Variants in C10orf95 observed in about 807,000 individuals in gnomAD.
The protein encoded by C10orf95 is chromosome 10 open reading frame 95, also known as uncharacterized protein C10orf95.
For missense variants in C10orf95, 412 were observed against 327.4 expected (o/e 1.26, Z -1.99); for synonymous variants, 188 against 160.4 (o/e 1.17, Z -1.30).
Position 102,450,728 on chromosome 10 carries a change from C to A in C10orf95, c.366G>T (p.Leu122=). Residue 122 remains leucine, a synonymous_variant, in exon 2 of 2, where the codon CTG becomes CTT. Coordinates refer to ENST00000625129, the MANE Select transcript of C10orf95 (RefSeq NM_001363580.1). ...WPEGGSLQTE[L]RWGRVERARG... ...GCGCGCGCTCCACGCGGCCCCAGCG[C>A]AGCTCGGTTTGCAGGCTCCCGCCCT... The A allele has an allele frequency of 7.6e-7, 1 of 1,316,252 alleles. No individual in the cohort carries two copies. The highest frequency in any genetic ancestry group is 1.8e-5 in the South Asian group (1 of 54,324). 81.5% of individuals were successfully genotyped at this position (1,316,252 alleles called of 1,614,324 possible).
At position 102,450,775 on chromosome 10, in the gene C10orf95, C is replaced by G; in HGVS notation, c.319G>C (p.Glu107Gln). The G allele has an allele frequency of 7.8e-7, 1 of 1,285,218 alleles. No homozygotes were observed. The allele number at this position is 1,285,218 out of a possible 1,614,324, so 79.6% of individuals were successfully genotyped here. The change falls in exon 2 of 2, where the codon GAG becomes CAG. Residue 107 changes from glutamate to glutamine, a missense_variant. Coordinates refer to ENST00000625129, the MANE Select transcript of C10orf95 (RefSeq NM_001363580.1). ...LSLQAPAAVA[E>Q]SWAPWPEGGS... is the part of the protein sequence containing the mutation. ...CCCTCCGGCCACGGCGCCCAGCTCTCGGCCACCGCCGCGGGCGCCTGCAGC... is the reference window on the plus strand; with the variant it reads ...CCCTCCGGCCACGGCGCCCAGCTCTGGGCCACCGCCGCGGGCGCCTGCAGC...
Position 102,450,592 on chromosome 10 carries a change from G to T in C10orf95, c.502C>A (p.Leu168Met), listed in dbSNP as rs1449374607. Residue 168 changes from leucine (L) to methionine (M), a missense_variant, in exon 2 of 2, where the codon CTG becomes ATG. Coordinates refer to ENST00000625129, the MANE Select transcript of C10orf95 (RefSeq NM_001363580.1). ...TCGAGCACGCGCGGCGTCGCCTGCA[G>T]CAGGAACTGGCCGCGGCGCTGGGTG... ...RVTQRRGQFLLQATPRVLEPD... is the reference protein window; with the variant it reads ...RVTQRRGQFLMQATPRVLEPD... 1.1e-5 allele frequency: 14 copies of T among 1,271,102 alleles called. No homozygotes were observed. The highest frequency in any genetic ancestry group is 1.6e-5 in the African/African-American group (1 of 63,938). The allele number at this position is 1,271,102 out of a possible 1,614,324, so 78.7% of individuals were successfully genotyped here. A position where few individuals can be genotyped will look rare whatever the true frequency, so the allele number is the denominator to read the frequency against.
At position 102,451,431 on chromosome 10, in the gene C10orf95, T is replaced by G. The variant is rs1431673690; in HGVS notation, c.-100A>C. ...GAGCCGGCGGGATCCAGAGCGGGGC[T>G]CCTCTCCGCACTTTGTAGCTGCGTT... is the stretch of plus-strand genomic sequence containing the variant. On this transcript the variant is annotated 5_prime_UTR_variant, in exon 1 of 2. Coordinates refer to ENST00000625129, the MANE Select transcript of C10orf95 (RefSeq NM_001363580.1). The G allele has an allele frequency of 1.4e-6, 2 of 1,466,446 alleles. No individual in the cohort carries two copies. The highest frequency in any genetic ancestry group is 1.8e-6 in the Non-Finnish European group (2 of 1,088,860). 90.8% of individuals were successfully genotyped at this position (1,466,446 alleles called of 1,614,324 possible).
In C10orf95 at chr10:102,451,465, C is replaced by G. The variant is rs2061693272; in HGVS notation, c.-134G>C. 1.4e-6 allele frequency: 2 copies of G among 1,411,482 alleles called. No individual in the cohort carries two copies. Among genetic ancestry groups the G allele is most frequent in the Non-Finnish European group, 1.9e-6 (2 of 1,055,538 alleles). 87.4% of individuals were successfully genotyped at this position (1,411,482 alleles called of 1,614,324 possible). A position where few individuals can be genotyped will look rare whatever the true frequency, so the allele number is the denominator to read the frequency against. On this transcript the variant is annotated 5_prime_UTR_variant, in exon 1 of 2. Coordinates refer to ENST00000625129, the MANE Select transcript of C10orf95 (RefSeq NM_001363580.1). Reference sequence around the variant, plus strand: ...CACTTTGTAGCTGCGTTGCTCCGCTCCATGCCCTGCCTCAGCCACTCCTCC... The same window carrying G: ...CACTTTGTAGCTGCGTTGCTCCGCTGCATGCCCTGCCTCAGCCACTCCTCC...
chr10:102,450,701 C>CCG lies in C10orf95; in HGVS notation c.391_392dup (p.Pro133AlafsTer81). ...AGTCCGGTAGCTGCAGAGGGGGGCC[C>CCG]CGCGCGCGCTCCACGCGGCCCCAGC... On this transcript the variant is annotated frameshift_variant, in exon 2 of 2. Coordinates refer to ENST00000625129, the MANE Select transcript of C10orf95 (RefSeq NM_001363580.1). LOFTEE classifies it low-confidence loss of function (END_TRUNC). The CCG allele has an allele frequency of 8.0e-7, 1 of 1,255,660 alleles. No homozygotes were observed. Among genetic ancestry groups the CCG allele is most frequent in the Non-Finnish European group, 1.0e-6 (1 of 999,794 alleles). The allele number at this position is 1,255,660 out of a possible 1,614,324, so 77.8% of individuals were successfully genotyped here. A position where few individuals can be genotyped will look rare whatever the true frequency, so the allele number is the denominator to read the frequency against.
rs1400613579 is a variant in C10orf95, at chr10:102,450,989, G to T, written c.105C>A (p.Val35=). The T allele has an allele frequency of 9.9e-6, 13 of 1,312,108 alleles. No individual in the cohort carries two copies. Among genetic ancestry groups the T allele is most frequent in the Non-Finnish European group, 1.3e-5 (13 of 1,029,484 alleles). The allele number at this position is 1,312,108 out of a possible 1,614,324, so 81.3% of individuals were successfully genotyped here. ...GCCGGCTGCGGAAGCTGTGGGCCTG[G>T]ACTGGGGGTAGCAGCAGAGGGGCGG... ...YLAAPLLLPP[V]QAHSFRSRPG... The change falls in exon 2 of 2, where the codon GTC becomes GTA. Residue 35 remains valine, a synonymous_variant. Coordinates refer to ENST00000625129, the MANE Select transcript of C10orf95 (RefSeq NM_001363580.1).
chr10:102,450,026 G>A lies in C10orf95; in HGVS notation c.*426C>T. 1 of 245,412 alleles carries A rather than the reference G, an allele frequency of 4.1e-6. No homozygotes were observed. The highest frequency in any genetic ancestry group is 1.1e-4 in the East Asian group (1 of 9,028). 15.2% of individuals were successfully genotyped at this position (245,412 alleles called of 1,614,324 possible). A position where few individuals can be genotyped will look rare whatever the true frequency, so the allele number is the denominator to read the frequency against. On this transcript the variant is annotated 3_prime_UTR_variant, in exon 2 of 2. Coordinates refer to ENST00000625129, the MANE Select transcript of C10orf95 (RefSeq NM_001363580.1). Reference sequence around the variant, plus strand: ...TCGGCTTGGCAGGAAGGCGGGGGTAGGGGAGCGGTGGGAAAGGGGGGTGGG... The same window carrying A: ...TCGGCTTGGCAGGAAGGCGGGGGTAAGGGAGCGGTGGGAAAGGGGGGTGGG...
chr10:102,450,076 A>G lies in C10orf95; in HGVS notation c.*376T>C, dbSNP rs949277313. ...GCGACGACTCTGATAGAGGGAAAAGAGGAAGGGAAAGTTGGGGCTTACTGC... is the reference window on the plus strand; with the variant it reads ...GCGACGACTCTGATAGAGGGAAAAGGGGAAGGGAAAGTTGGGGCTTACTGC... On this transcript the variant is annotated 3_prime_UTR_variant, in exon 2 of 2. Coordinates refer to ENST00000625129, the MANE Select transcript of C10orf95 (RefSeq NM_001363580.1). 7 of 289,100 alleles carry G rather than the reference A, an allele frequency of 2.4e-5. No individual in the cohort carries two copies. Among genetic ancestry groups the G allele is most frequent in the Non-Finnish European group, 4.9e-5 (7 of 141,562 alleles). The allele number at this position is 289,100 out of a possible 1,614,324, so 17.9% of individuals were successfully genotyped here.
chr10:102,451,328 A>G (rs1289040570), intron 1 of C10orf95, 58 bp downstream of exon 1: 24 of 1,537,648 alleles, frequency 1.6e-5, no homozygotes, highest in African/African-American at 1.1e-4. Flanking sequence ...CCAGCAGACA[A>G]TAAGGAGCCT....
In C10orf95 at chr10:102,450,355, G is replaced by A; in HGVS notation, c.*97C>T. 2.3e-6 allele frequency: 3 copies of A among 1,320,370 alleles called. No homozygotes were observed. Among genetic ancestry groups the A allele is most frequent in the Non-Finnish European group, 3.1e-6 (3 of 955,038 alleles). 81.8% of individuals were successfully genotyped at this position (1,320,370 alleles called of 1,614,324 possible). ...GGTGAGCAGCGCGTCCGCCTCCCGC[G>A]CACAGGTGAGGGCTCACTTCTGCCT... is the stretch of plus-strand genomic sequence containing the variant. On this transcript the variant is annotated 3_prime_UTR_variant, in exon 2 of 2. Transcript: ENST00000625129.
At position 102,450,551 on chromosome 10, in the gene C10orf95, C is replaced by T. The variant is rs1213417648; in HGVS notation, c.543G>A (p.Val181=). ...CGGGCCGGCGCCGCACGCGCCACTCCACGCGGTGGTCGGGCTCGAGCACGC... is the reference window on the plus strand; with the variant it reads ...CGGGCCGGCGCCGCACGCGCCACTCTACGCGGTGGTCGGGCTCGAGCACGC... ...TPRVLEPDHR[V]EWRVRRRPDS... is the part of the protein sequence containing the mutation. The change falls in exon 2 of 2, where the codon GTG becomes GTA. Residue 181 remains valine, a synonymous_variant. Coordinates refer to ENST00000625129, the MANE Select transcript of C10orf95 (RefSeq NM_001363580.1). 5.9e-6 allele frequency: 8 copies of T among 1,355,660 alleles called. No individual in the cohort carries two copies. The South Asian group carries it at 1.4e-4, about 24-fold the overall frequency. 84.0% of individuals were successfully genotyped at this position (1,355,660 alleles called of 1,614,324 possible).
rs1351372666 is a variant in C10orf95, at chr10:102,450,702, C to A, written c.392G>T (p.Arg131Leu). Residue 131 changes from arginine to leucine, a missense_variant, in exon 2 of 2, where the codon CGG becomes CTG. Arg to Leu is a moderately radical substitution (Grantham distance 102, BLOSUM62 -2). Coordinates refer to ENST00000625129, the MANE Select transcript of C10orf95 (RefSeq NM_001363580.1). ...GTCCGGTAGCTGCAGAGGGGGGCCC[C>A]GCGCGCGCTCCACGCGGCCCCAGCG... ...ELRWGRVERA[R>L]GPPLQLPDFV... 8.0e-7 allele frequency: 1 copy of A among 1,255,420 alleles called. No homozygotes were observed. The allele number at this position is 1,255,420 out of a possible 1,614,324, so 77.8% of individuals were successfully genotyped here.
chr10:102,451,105 C>T lies in C10orf95; in HGVS notation c.-12G>A, dbSNP rs373519518. The T allele has an allele frequency of 3.5e-6, 5 of 1,441,056 alleles. No homozygotes were observed. In the South Asian group the frequency reaches 4.8e-5, roughly 14 times the overall value. The allele number at this position is 1,441,056 out of a possible 1,614,324, so 89.3% of individuals were successfully genotyped here. A position where few individuals can be genotyped will look rare whatever the true frequency, so the allele number is the denominator to read the frequency against. On this transcript the variant is annotated 5_prime_UTR_variant, in exon 2 of 2. Transcript: ENST00000625129. Reference sequence around the variant, plus strand: ...CTGTACACATACATGGTCGGCCCCCCAGGCGGCTGCTGTTCTTACTGGGGG... The same window carrying T: ...CTGTACACATACATGGTCGGCCCCCTAGGCGGCTGCTGTTCTTACTGGGGG...
At position 102,450,825 on chromosome 10, in the gene C10orf95, G is replaced by T. The variant is rs1565243955; in HGVS notation, c.269C>A (p.Ala90Asp). 1 of 1,249,006 alleles carries T rather than the reference G, an allele frequency of 8.0e-7. No individual in the cohort carries two copies. Among genetic ancestry groups the T allele is most frequent in the Non-Finnish European group, 1.0e-6 (1 of 1,000,112 alleles). The allele number at this position is 1,249,006 out of a possible 1,614,324, so 77.4% of individuals were successfully genotyped here. Residue 90 changes from alanine (A) to aspartate (D), a missense_variant, in exon 2 of 2, where the codon GCC (alanine) becomes GAC (aspartate). By Grantham distance (126) the Ala-to-Asp change is moderately radical. Transcript: ENST00000625129. ...AYATTLRRPC[A>D]AAGISGLSLQ... ...CGACAGTCCCGAGATGCCGGCGGCG[G>T]CGCAGGGCCGGCGCAGGGTCGTGGC...
rs762475767 is a variant in C10orf95 at position 102,451,099 on chromosome 10, G to GC, written c.-7dup. Reference sequence around the variant, plus strand: ...GGCCAGCTGTACACATACATGGTCGGCCCCCCAGGCGGCTGCTGTTCTTAC... The same window carrying GC: ...GGCCAGCTGTACACATACATGGTCGGCCCCCCCAGGCGGCTGCTGTTCTTAC... On this transcript the variant is annotated 5_prime_UTR_variant, in exon 2 of 2. Transcript: ENST00000625129. The GC allele has an allele frequency of 2.8e-6, 4 of 1,437,838 alleles. No homozygotes were observed. Among genetic ancestry groups the GC allele is most frequent in the South Asian group, 1.6e-5 (1 of 61,438 alleles). The allele number at this position is 1,437,838 out of a possible 1,614,324, so 89.1% of individuals were successfully genotyped here. A position where few individuals can be genotyped will look rare whatever the true frequency, so the allele number is the denominator to read the frequency against.
chr10:102,451,370 G>C lies in C10orf95; in HGVS notation c.-55+16C>G. On this transcript the variant is annotated intron_variant, in intron 1 of 1. Transcript: ENST00000625129. ...GCCCTCCGCCGGGATGCTCTTCCCA[G>C]TGACTCCCCACTCACTTGTCTCCTT... 6.4e-7 allele frequency: 1 copy of C among 1,559,360 alleles called. No homozygotes were observed. Among genetic ancestry groups the C allele is most frequent in the Non-Finnish European group, 8.7e-7 (1 of 1,148,378 alleles).
Position 102,450,599 on chromosome 10 carries a change from C to T in C10orf95, c.495G>A (p.Gln165=). 3 of 1,263,636 alleles carry T rather than the reference C, an allele frequency of 2.4e-6. No homozygotes were observed. The highest frequency in any genetic ancestry group is 3.3e-5 in the East Asian group (1 of 30,274). 78.3% of individuals were successfully genotyped at this position (1,263,636 alleles called of 1,614,324 possible). A position where few individuals can be genotyped will look rare whatever the true frequency, so the allele number is the denominator to read the frequency against. The stretch of plus-strand genomic sequence containing the variant: ...CGCGCGGCGTCGCCTGCAGCAGGAA[C>T]TGGCCGCGGCGCTGGGTGACGCGCA... The part of the protein sequence containing the change: ...ADVRVTQRRG[Q]FLLQATPRVL... Residue 165 remains glutamine (Q), a synonymous_variant, in exon 2 of 2, where the codon CAG becomes CAA. Coordinates refer to ENST00000625129, the MANE Select transcript of C10orf95 (RefSeq NM_001363580.1).
rs2061682393 is a variant in C10orf95, at chr10:102,450,148, C to T, written c.*304G>A. 7 of 495,182 alleles carry T rather than the reference C, an allele frequency of 1.4e-5. No homozygotes were observed. 30.7% of individuals were successfully genotyped at this position (495,182 alleles called of 1,614,324 possible). A position where few individuals can be genotyped will look rare whatever the true frequency, so the allele number is the denominator to read the frequency against. On this transcript the variant is annotated 3_prime_UTR_variant, in exon 2 of 2. Coordinates refer to ENST00000625129, the MANE Select transcript of C10orf95 (RefSeq NM_001363580.1). ...GGTGGGGAGGAGGAAGGAGGGAGGT[C>T]CAGGCCCTTCTTCCATCCCACGTCC...
chr10:102,450,381 G>A lies in C10orf95; in HGVS notation c.*71C>T. On this transcript the variant is annotated 3_prime_UTR_variant, in exon 2 of 2. Coordinates refer to ENST00000625129, the MANE Select transcript of C10orf95 (RefSeq NM_001363580.1). ...CACAGGTGAGGGCTCACTTCTGCCTGTCGGCGGCGGCACACACAGGAAAGA... is the reference window on the plus strand; with the variant it reads ...CACAGGTGAGGGCTCACTTCTGCCTATCGGCGGCGGCACACACAGGAAAGA... 1 of 1,475,160 alleles carries A rather than the reference G, an allele frequency of 6.8e-7. No homozygotes were observed. Among genetic ancestry groups the A allele is most frequent in the Non-Finnish European group, 9.1e-7 (1 of 1,095,042 alleles). 91.4% of individuals were successfully genotyped at this position (1,475,160 alleles called of 1,614,324 possible). A position where few individuals can be genotyped will look rare whatever the true frequency, so the allele number is the denominator to read the frequency against.
Sources: allele counts gnomAD v4.1 joint callset, GRCh38; gene constraint gnomAD v4.1.1; transcripts MANE v1.5; gene names NCBI Gene and HGNC (gene_info 2026-07-23, HGNC 2026-07-21).